Variants in SIMC1 observed in about 807,000 individuals in gnomAD.
SIMC1 encodes the protein SUMO interacting motifs containing 1.
SIMC1 carries 55 observed loss-of-function variants against 82.3 expected under a neutral mutation model. The observed-to-expected ratio is 0.67, with a 90% CI of 0.54 to 0.84. The LOEUF (loss-of-function observed/expected upper bound fraction) is 0.84. Ranked by LOEUF, SIMC1 falls within the 40% of genes least tolerant of loss-of-function variation. The pLI, the probability that SIMC1 is intolerant of heterozygous loss-of-function variation, is 0.00. For missense variants in SIMC1, 915 were observed against 1,107.2 expected (o/e 0.83, Z 2.46); for synonymous variants, 353 against 426.3 (o/e 0.83, Z 2.12).
At chr5:176,339,384 T>A (rs1766036103) in intron 9 of SIMC1, among the ~76,000 whole-genome samples, 1 of 152,016 alleles carries the variant, frequency 6.6e-6, no homozygotes, top group African/African-American at 2.4e-5. Flanking sequence ...AAAGAGTATG[T>A]TGTCCAGTCC....
rs1235846885 is a variant in SIMC1, at chr5:176,286,525, A to G, written c.130-3129A>G. ...AGACTTAAATGTTAGATCTAAAAGC[A>G]TAAAAACCCTAGAAGAAAACCTAGG... On this transcript the variant is annotated intron_variant, in intron 1 of 9. Transcript: ENST00000429602. Among the ~76,000 whole-genome samples the G allele has an allele frequency of 3.3e-5, 5 of 152,262 alleles. No homozygotes were observed. The East Asian group carries it at 9.6e-4, about 29-fold the overall frequency.
At chr5:176,306,897 A>T (rs1447276253) in intron 4 of SIMC1, among the ~76,000 whole-genome samples, 1 of 135,726 alleles carries the variant, frequency 7.4e-6, no homozygotes, top group Admixed American at 8.0e-5. Flanking sequence ...GAAACACCCA[A>T]GAATTATCAA....
intron 1 of SIMC1, among the ~76,000 whole-genome samples, chr5:176,260,020 T>A (rs1761963521): frequency 6.7e-6 from 1 of 148,892 alleles, no homozygotes; most frequent in African/African-American, 2.4e-5. Context: ...TATATATAAT[T>A]AGTATATATA....
chr5:176,253,613 G>A (rs989407429), intron 1 of SIMC1, among the ~76,000 whole-genome samples: 7 of 152,086 alleles, frequency 4.6e-5, no homozygotes, highest in African/African-American at 1.7e-4. Flanking sequence ...AGGAGTCAGC[G>A]TCAAAACTCT....
At chr5:176,265,977 T>A (rs1056889584) in intron 1 of SIMC1, among the ~76,000 whole-genome samples, 1 of 152,086 alleles carries the variant, frequency 6.6e-6, no homozygotes, top group African/African-American at 2.4e-5. Flanking sequence ...TATAGTAATA[T>A]TAGTATGTAC....
rs566047926 is a variant in SIMC1, at chr5:176,291,011, G to T, written c.1431+56G>T. ...TGTCCTTTCCCTAGGCCTAGGAGAA[G>T]GTCAGTGTGACTGGAGTCCATGCGT... On this transcript the variant is annotated intron_variant, in intron 2 of 9. Coordinates refer to ENST00000429602, the MANE Select transcript of SIMC1 (RefSeq NM_001308195.2). 356 of 1,216,228 alleles carry T rather than the reference G, an allele frequency of 2.9e-4. No homozygotes were observed. The African/African-American group carries it at 4.8e-3, about 16-fold the overall frequency. 75.3% of individuals were successfully genotyped at this position (1,216,228 alleles called of 1,614,324 possible).
intron 7 of SIMC1, among the ~76,000 whole-genome samples, chr5:176,330,071 T>C (rs1036282407): frequency 3.3e-5 from 5 of 152,056 alleles, no homozygotes; most frequent in South Asian, 2.1e-4. Context: ...GCACACCTCA[T>C]ACCCAGATCT....
intron 5 of SIMC1, 51 bp from the exon 6 acceptor site, chr5:176,322,222 T>C: frequency 2.0e-6 from 3 of 1,507,250 alleles, no homozygotes; most frequent in South Asian, 1.3e-5. Context: ...ATTTTTTTTT[T>C]CTGCACAGAA....
chr5:176,345,169 T>C lies in SIMC1; in HGVS notation c.2414-14T>C. 2 of 1,606,220 alleles carry C rather than the reference T, an allele frequency of 1.2e-6. No individual in the cohort carries two copies. Among genetic ancestry groups the C allele is most frequent in the South Asian group, 2.2e-5 (2 of 90,330 alleles). On this transcript the variant is annotated splice_polypyrimidine_tract_variant and intron_variant, in intron 9 of 9. Transcript: ENST00000429602. ...CAGTTCAGAGCACCCAACTGACTTT[T>C]TTCCCTCTTGCAGAACACTTAAGGA...
intron 9 of SIMC1, 125 bp downstream of exon 9, chr5:176,337,271 G>C: frequency 1.2e-6 from 1 of 833,188 alleles, no homozygotes; most frequent in Non-Finnish European, 1.9e-6. Flanking sequence ...CTTATTATAA[G>C]GGATAAGAAA....
intron 9 of SIMC1, among the ~76,000 whole-genome samples, chr5:176,341,849 G>T (rs1326413504): frequency 6.6e-6 from 1 of 152,172 alleles, no homozygotes; most frequent in Non-Finnish European, 1.5e-5. Flanking sequence ...TCTTGAGCCA[G>T]GCATTATGGC....
intron 1 of SIMC1, among the ~76,000 whole-genome samples, chr5:176,283,865 G>A (rs932011055): frequency 1.3e-5 from 2 of 151,972 alleles, no homozygotes; most frequent in Non-Finnish European, 2.9e-5. Flanking sequence ...AAAAGGCAGG[G>A]GTTGCAATCC....
rs536112766 is a variant in SIMC1 at position 176,280,551 on chromosome 5, C to T, written c.130-9103C>T. ...AGTCTCGATGGTCTTTACATTTTGGCATGATTTTGGAGCGGCTGGTACCGG... is the reference window on the plus strand; with the variant it reads ...AGTCTCGATGGTCTTTACATTTTGGTATGATTTTGGAGCGGCTGGTACCGG... On this transcript the variant is annotated intron_variant, in intron 1 of 9. Transcript: ENST00000429602. Among the ~76,000 whole-genome samples the T allele has an allele frequency of 1.2e-4, 18 of 152,174 alleles. No homozygotes were observed. The South Asian group carries it at 3.3e-3, about 28-fold the overall frequency.
intron 5 of SIMC1, 65 bp downstream of exon 5, chr5:176,313,910 G>A (rs546516477): frequency 1.6e-5 from 26 of 1,596,658 alleles, no homozygotes; most frequent in Non-Finnish European, 1.7e-6. Context: ...AGCTGCTGAA[G>A]GCCAGAATAT....
intron 1 of SIMC1, among the ~76,000 whole-genome samples, chr5:176,284,242 A>G (rs1359984769): frequency 2.0e-5 from 3 of 152,186 alleles, no homozygotes; most frequent in Non-Finnish European, 4.4e-5. Context: ...GCACCACACC[A>G]TACTTATTCC....
intron 4 of SIMC1, among the ~76,000 whole-genome samples, chr5:176,306,351 A>C (rs368569650): frequency 7.3e-6 from 1 of 136,536 alleles, no homozygotes; most frequent in Non-Finnish European, 1.6e-5. Flanking sequence ...ACCTCTGCCC[A>C]GCCGCCCCTA....
At chr5:176,299,525 G>A (rs557918396) in intron 4 of SIMC1, among the ~76,000 whole-genome samples, 1 of 152,260 alleles carries the variant, frequency 6.6e-6, no homozygotes, top group East Asian at 1.9e-4. Context: ...GTCAAAAACT[G>A]TTACAAGTGG....
At chr5:176,311,562 A>G (rs369576495) in intron 4 of SIMC1, among the ~76,000 whole-genome samples, 111 of 152,216 alleles carry the variant, frequency 7.3e-4, no homozygotes, top group African/African-American at 2.3e-3. Context: ...TAAAAAAAAA[A>G]AGAGAGAAAG....
intron 5 of SIMC1, among the ~76,000 whole-genome samples, chr5:176,319,192 G>C (rs1765050873): frequency 6.6e-6 from 1 of 152,158 alleles, no homozygotes; most frequent in Admixed American, 6.5e-5. Flanking sequence ...AGTTTGTAAA[G>C]TTCTCTTTTT....
Sources: allele counts gnomAD v4.1 joint callset (sites outside exome capture counted in the v4.1 genomes callset), GRCh38; gene constraint gnomAD v4.1.1; transcripts MANE v1.5; gene names NCBI Gene and HGNC (gene_info 2026-07-23, HGNC 2026-07-21).